Variants in ROBO2 observed in about 807,000 individuals in gnomAD.
The protein encoded by ROBO2 is roundabout guidance receptor 2, also known as roundabout homolog 2.
A neutral mutation model predicts 160.8 loss-of-function variants in ROBO2; 53 were observed. That is an observed-to-expected ratio of 0.33 (90% confidence interval 0.26 to 0.41). The LOEUF is 0.41. ROBO2 is among the 10% of genes least tolerant of loss of function. The pLI is 1.00. For synonymous variants in ROBO2, 664 were observed against 611.7 expected (o/e 1.09, Z -1.26); for missense variants, 1,577 against 1,722.4 (o/e 0.92, Z 1.49).
chr3:76,604,930 T>C (rs900760259), intron 2 of ROBO2, among the ~76,000 whole-genome samples: 2 of 152,108 alleles, frequency 1.3e-5, no homozygotes, highest in African/African-American at 4.8e-5. Flanking sequence ...ACAGCAAAGG[T>C]TGAACAAGAG....
At chr3:76,751,757 A>T (rs78860357) in intron 2 of ROBO2, among the ~76,000 whole-genome samples, 94,210 of 151,332 alleles carry the variant, frequency 0.62, 29,306 homozygotes, top group Admixed American at 0.66. Context: ...ATCTCACACC[A>T]GTTAGAATGG....
At chr3:76,500,402 C>T (rs902976358) in intron 2 of ROBO2, among the ~76,000 whole-genome samples, 21 of 152,208 alleles carry the variant, frequency 1.4e-4, no homozygotes, top group Middle Eastern at 3.4e-3. Context: ...TGTGAGCCAC[C>T]GCACCTGGCA....
chr3:77,204,904 C>T (rs2083268307), intron 2 of ROBO2, among the ~76,000 whole-genome samples: 3 of 152,202 alleles, frequency 2.0e-5, no homozygotes, highest in Admixed American at 2.0e-4. Context: ...ACTGATTCCC[C>T]TTGCGGGGCC....
intron 2 of ROBO2, among the ~76,000 whole-genome samples, chr3:76,329,197 G>A (rs1283927050): frequency 2.0e-5 from 3 of 152,192 alleles, no homozygotes; most frequent in African/African-American, 4.8e-5. Context: ...TCCTGCCGCA[G>A]TGAAGGAGCC....
intron 6 of ROBO2, among the ~76,000 whole-genome samples, chr3:77,537,096 T>TCG (rs1559564025): frequency 2.9e-5 from 2 of 69,514 alleles, no homozygotes; most frequent in Non-Finnish European, 5.9e-5. Context: ...TATACATATT[T>TCG]TGTGGGGGGG....
At chr3:76,459,312 G>A (rs1445462331) in intron 2 of ROBO2, among the ~76,000 whole-genome samples, 1 of 152,098 alleles carries the variant, frequency 6.6e-6, no homozygotes, top group African/African-American at 2.4e-5. Flanking sequence ...GAAAGATCTA[G>A]ATGCAGATGC....
At chr3:76,248,618 G>A (rs1705782232) in intron 2 of ROBO2, among the ~76,000 whole-genome samples, 1 of 149,912 alleles carries the variant, frequency 6.7e-6, no homozygotes, top group South Asian at 2.1e-4. Flanking sequence ...ATGTGCACAT[G>A]TACCCTAAAA....
At chr3:76,668,199 T>C (rs9829456) in intron 2 of ROBO2, among the ~76,000 whole-genome samples, 68,008 of 151,526 alleles carry the variant, frequency 0.45, 15,808 homozygotes, top group African/African-American at 0.57. Flanking sequence ...TCCTAGACTC[T>C]GGTGATCCTC....
At chr3:76,928,338 A>G (rs2077114140) in intron 2 of ROBO2, among the ~76,000 whole-genome samples, 1 of 152,140 alleles carries the variant, frequency 6.6e-6, no homozygotes, top group Admixed American at 6.5e-5. Context: ...TTAGCCTAGT[A>G]GTATCTGTGT....
intron 7 of ROBO2, among the ~76,000 whole-genome samples, chr3:77,549,792 C>T (rs1666130): frequency 0.56 from 84,969 of 151,746 alleles, 23,866 homozygotes; most frequent in Middle Eastern, 0.68. Context: ...TGTCCTGGGC[C>T]TTTAATTGAA....
intron 2 of ROBO2, among the ~76,000 whole-genome samples, chr3:76,423,790 G>A (rs1012122395): frequency 6.6e-6 from 1 of 152,110 alleles, no homozygotes; most frequent in Admixed American, 6.6e-5. Context: ...GTCATCCATG[G>A]GGATTTTGAA....
At chr3:76,943,746 C>G (rs557306930) in intron 2 of ROBO2, among the ~76,000 whole-genome samples, 1 of 152,070 alleles carries the variant, frequency 6.6e-6, no homozygotes, top group South Asian at 2.1e-4. Flanking sequence ...GTTGTTTAAC[C>G]AAGGTTTAGG....
chr3:77,248,777 CTTTTTTT>C (rs56271044), intron 2 of ROBO2, among the ~76,000 whole-genome samples: 2 of 141,626 alleles, frequency 1.4e-5, no homozygotes, highest in African/African-American at 2.6e-5. Flanking sequence ...ATCACTTGCT[CTTTTTTT>C]TTTTTTTTTT....
At chr3:76,938,829 G>T (rs1236268930) in intron 2 of ROBO2, among the ~76,000 whole-genome samples, 2 of 151,998 alleles carry the variant, frequency 1.3e-5, no homozygotes, top group Non-Finnish European at 2.9e-5. Context: ...AAATTAGCCG[G>T]GCGTGGTGGC....
At chr3:76,708,311 A>G (rs547559724) in intron 2 of ROBO2, among the ~76,000 whole-genome samples, 25 of 152,302 alleles carry the variant, frequency 1.6e-4, no homozygotes, top group East Asian at 3.9e-4. Flanking sequence ...AATTTACCAA[A>G]CAAAAGGTAA....
At position 76,692,895 on chromosome 3, in the gene ROBO2, C is replaced by CTA. The variant is rs1490935418; in HGVS notation, c.110-405118_110-405117insAT. On this transcript the variant is annotated intron_variant, in intron 2 of 26. Transcript: ENST00000487694. ...ACACACTATATAACTCTCTCTCTCT[C>CTA]TCTCTATATATATAGTGTGTGTGTA... Among the ~76,000 whole-genome samples the CTA allele has an allele frequency of 6.0e-5, 9 of 151,176 alleles. No homozygotes were observed. In the South Asian group the frequency reaches 6.3e-4, roughly 11 times the overall value.
At chr3:76,984,437 A>T (rs1380088200) in intron 2 of ROBO2, among the ~76,000 whole-genome samples, 1 of 152,210 alleles carries the variant, frequency 6.6e-6, no homozygotes, top group African/African-American at 2.4e-5. Context: ...AAAAGGAAGA[A>T]AATTAGACCC....
chr3:77,280,319 T>C (rs59776588), intron 2 of ROBO2, among the ~76,000 whole-genome samples: 3,057 of 152,324 alleles, frequency 0.02, 77 homozygotes, highest in African/African-American at 0.07. Flanking sequence ...AACTATTATG[T>C]TCCCTGCAAA....
At chr3:76,266,415 A>G (rs1013678743) in intron 2 of ROBO2, among the ~76,000 whole-genome samples, 6 of 152,110 alleles carry the variant, frequency 3.9e-5, no homozygotes, top group Non-Finnish European at 8.8e-5. Context: ...ATCTATAACT[A>G]CTCTCACATC....
Sources: gnomAD v4.1 joint callset for allele counts (sites outside exome capture counted in the v4.1 genomes callset) on GRCh38, gnomAD v4.1.1 for gene constraint, MANE v1.5 for transcripts, NCBI Gene and HGNC (gene_info 2026-07-23, HGNC 2026-07-21) for gene names.